CLPB: variants seen among roughly 807,000 people sequenced by gnomAD.
CLPB encodes ClpB family mitochondrial disaggregase, also known as mitochondrial disaggregase.
CLPB carries 40 observed loss-of-function variants against 78.4 expected under a neutral mutation model. The ratio of observed to expected loss-of-function variants is 0.51; its 90% CI spans 0.40 to 0.66. The LOEUF (loss-of-function observed/expected upper bound fraction) is 0.66. Ranked by LOEUF, CLPB falls within the 30% of genes least tolerant of loss-of-function variation. The probability of loss-of-function intolerance (pLI) is 0.00; values close to 1 mark genes in which losing one functional copy is unlikely to be tolerated. For synonymous variants in CLPB, 333 were observed against 348.0 expected, an observed-to-expected ratio of 0.96 and a Z score of 0.48; for missense variants, 780 against 886.9, an observed-to-expected ratio of 0.88 and a Z score of 1.53.
chr11:72,401,481 A>G lies in CLPB; in HGVS notation c.542+1485T>C, dbSNP rs148821581. Among the ~76,000 whole-genome samples, 912 of 152,254 alleles carry G rather than the reference A, an allele frequency of 6.0e-3. 13 individuals carry two copies. Among genetic ancestry groups the G allele is most frequent in the African/African-American group, 0.021 (871 of 41,562 alleles). On this transcript the variant is annotated intron_variant, in intron 3 of 15. Transcript: ENST00000538039. ...TAAATAGTAAAAGAAAAAAGAAAAA[A>G]GAATAGGTGCTTGGAGCTAAAGAGA...
chr11:72,358,897 T>G lies in CLPB; in HGVS notation c.758A>C (p.Lys253Thr). Residue 253 changes from lysine to threonine, a missense_variant, in exon 5 of 16, where the codon AAG becomes ACG. By Grantham distance (78) the Lys-to-Thr change is moderately conservative. Coordinates refer to ENST00000538039, the MANE Select transcript of CLPB (RefSeq NM_001258392.3). ...AVLADDYRTV[K>T]ELLDGGANPL... ...GCTCTCACCTCCATCAAGCAGCTCC[T>G]TGACAGTGCGGTAGTCATCAGCAAG... 1 of 1,484,322 alleles carries G rather than the reference T, an allele frequency of 6.7e-7. No homozygotes were observed. Among genetic ancestry groups the G allele is most frequent in the Non-Finnish European group, 9.1e-7 (1 of 1,096,104 alleles). The allele number at this position is 1,484,322 out of a possible 1,614,324, so 91.9% of individuals were successfully genotyped here. A position where few individuals can be genotyped will look rare whatever the true frequency, so the allele number is the denominator to read the frequency against.
chr11:72,357,318 C>T (rs1204883193), intron 5 of CLPB, among the ~76,000 whole-genome samples: 1 of 152,126 alleles, frequency 6.6e-6, no homozygotes, highest in African/African-American at 2.4e-5. Flanking sequence ...GGCTCTGGGA[C>T]TGAAAGAACT....
chr11:72,309,889 T>C (rs892269757), intron 7 of CLPB, among the ~76,000 whole-genome samples: 3 of 152,184 alleles, frequency 2.0e-5, no homozygotes, highest in Non-Finnish European at 4.4e-5. Context: ...GGGAAAGATT[T>C]GACAGTGTTT....
At chr11:72,411,781 A>G (rs1009531868) in intron 2 of CLPB, 10 of 152,330 alleles carry the variant, frequency 6.6e-5, no homozygotes, top group Non-Finnish European at 1.0e-4. Context: ...CTGAACTTCA[A>G]TGACGCATTG....
intron 3 of CLPB, among the ~76,000 whole-genome samples, chr11:72,382,384 G>C (rs563017681): frequency 6.6e-6 from 1 of 152,204 alleles, no homozygotes; most frequent in Non-Finnish European, 1.5e-5. Context: ...CGTCCACCTG[G>C]ATGCAGGCGC....
At chr11:72,364,129 C>A (rs1950895000) in intron 4 of CLPB, among the ~76,000 whole-genome samples, 1 of 152,186 alleles carries the variant, frequency 6.6e-6, no homozygotes, top group Non-Finnish European at 1.5e-5. Flanking sequence ...TTCATCTTTT[C>A]CACCACCATT....
intron 3 of CLPB, among the ~76,000 whole-genome samples, chr11:72,396,009 A>G (rs1400024334): frequency 6.6e-6 from 1 of 152,182 alleles, no homozygotes; most frequent in Non-Finnish European, 1.5e-5. Context: ...TTTTTTAAAG[A>G]AAGGGTTTAA....
chr11:72,388,376 G>A (rs774669409), intron 3 of CLPB, among the ~76,000 whole-genome samples: 5 of 151,170 alleles, frequency 3.3e-5, no homozygotes, highest in Non-Finnish European at 7.4e-5. Context: ...TCAGCCTCCT[G>A]AGTAGCTGGG....
chr11:72,412,398 G>T (rs1025165992), intron 2 of CLPB, among the ~76,000 whole-genome samples: 4 of 152,208 alleles, frequency 2.6e-5, no homozygotes, highest in African/African-American at 9.7e-5. Flanking sequence ...CAAATGCCAA[G>T]TGTACTGTGG....
At position 72,384,746 on chromosome 11, in the gene CLPB, A is replaced by C. The variant is rs376020528; in HGVS notation, c.543-4362T>G. 5.3e-5 allele frequency among the ~76,000 whole-genome samples: 8 copies of C among 152,360 alleles called. No individual in the cohort carries two copies. The East Asian group carries it at 1.5e-3, about 29-fold the overall frequency. On this transcript the variant is annotated intron_variant, in intron 3 of 15. Coordinates refer to ENST00000538039, the MANE Select transcript of CLPB (RefSeq NM_001258392.3). Reference sequence around the variant, plus strand: ...GAACCAAAAGAGAGCAGAAGTACTGATATTCATATGGAATAAAATAGACTT... The same window carrying C: ...GAACCAAAAGAGAGCAGAAGTACTGCTATTCATATGGAATAAAATAGACTT...
intron 5 of CLPB, among the ~76,000 whole-genome samples, chr11:72,338,444 T>A: frequency 6.6e-6 from 1 of 152,198 alleles, no homozygotes; most frequent in East Asian, 1.9e-4. Flanking sequence ...AGTCCAGGGC[T>A]CTTTCCACCT....
In CLPB at chr11:72,293,484, G is replaced by A. The variant is rs772823341; in HGVS notation, c.1917C>T (p.Pro639=). ...GCTTGGGGAGGCGCTTCTCAGCCTG[G>A]GGTGAGGGCAGTTCTGGGCTTTTGA... ...QLLKSPELPS[P]QAEKRLPKLR... is the part of the protein sequence containing the mutation. Residue 639 remains proline, a synonymous_variant, in exon 16 of 16, where the codon CCC becomes CCT. Coordinates refer to ENST00000538039, the MANE Select transcript of CLPB (RefSeq NM_001258392.3). The A allele has an allele frequency of 1.2e-6, 2 of 1,614,142 alleles. No individual in the cohort carries two copies. The highest frequency in any genetic ancestry group is 1.7e-6 in the Non-Finnish European group (2 of 1,180,020).
At chr11:72,418,048 G>C (rs777029928) in intron 2 of CLPB, among the ~76,000 whole-genome samples, 3 of 152,236 alleles carry the variant, frequency 2.0e-5, no homozygotes, top group Non-Finnish European at 4.4e-5. Flanking sequence ...GCCTCAAAGA[G>C]GATTCTTATG....
Position 72,294,340 on chromosome 11 carries a change from GT to G in CLPB, c.1664del (p.Asn555ThrfsTer42). The G allele has an allele frequency of 1.9e-6, 3 of 1,614,246 alleles. No individual in the cohort carries two copies. The highest frequency in any genetic ancestry group is 2.5e-6 in the Non-Finnish European group (3 of 1,180,038). ...TCCCTCTTACTCTCTTGGCCCAGAA[GT>G]TTAGTTCCTTGTTGACGAGTTGGAT... ...ELIQLVNKELNFWAKRAKQRH... is the reference protein window; with the variant it reads ...ELIQLVNKELXFWAKRAKQRH... On this transcript the variant is annotated frameshift_variant, in exon 14 of 16. Coordinates refer to ENST00000538039, the MANE Select transcript of CLPB (RefSeq NM_001258392.3). LOFTEE classifies it high-confidence loss of function.
At chr11:72,373,226 C>T (rs1200230092) in intron 4 of CLPB, among the ~76,000 whole-genome samples, 2 of 152,210 alleles carry the variant, frequency 1.3e-5, no homozygotes, top group East Asian at 1.9e-4. Context: ...GCTCTGGCTG[C>T]GTCTCTGCCG....
intron 2 of CLPB, among the ~76,000 whole-genome samples, chr11:72,410,365 T>A (rs1255954843): frequency 6.6e-6 from 1 of 152,236 alleles, no homozygotes; most frequent in Non-Finnish European, 1.5e-5. Context: ...CTAAGCCTGT[T>A]TCTGCATCTG....
intron 3 of CLPB, among the ~76,000 whole-genome samples, chr11:72,387,762 C>T (rs186001060): frequency 1.3e-4 from 20 of 152,214 alleles, no homozygotes; most frequent in Non-Finnish European, 4.4e-5. Context: ...AGATCTATAC[C>T]TGACCACCCT....
chr11:72,428,108 A>T (rs1856439614), intron 2 of CLPB, among the ~76,000 whole-genome samples: 3 of 152,144 alleles, frequency 2.0e-5, no homozygotes, highest in Admixed American at 2.0e-4. Context: ...CCTTGAGACC[A>T]GGGCCTGGGT....
At chr11:72,382,261 C>T (rs189357598) in intron 3 of CLPB, among the ~76,000 whole-genome samples, 87 of 152,300 alleles carry the variant, frequency 5.7e-4, no homozygotes, top group Middle Eastern at 3.4e-3. Flanking sequence ...CCCTGTATAC[C>T]CACGTTCCAG....
Sources: gnomAD v4.1 joint callset for allele counts (sites outside exome capture counted in the v4.1 genomes callset) on GRCh38, gnomAD v4.1.1 for gene constraint, MANE v1.5 for transcripts, NCBI Gene and HGNC (gene_info 2026-07-23, HGNC 2026-07-21) for gene names.